RABL6: variants seen among roughly 807,000 people sequenced by gnomAD.
RABL6 encodes the protein rab-like protein 6.
RABL6 carries 28 observed loss-of-function variants against 72.9 expected under a neutral mutation model. That is an observed-to-expected ratio of 0.38 (90% CI 0.28 to 0.53). RABL6 has a LOEUF of 0.53. Among genes scored for constraint, RABL6 ranks in the 20% least tolerant of loss-of-function variants. RABL6 has a pLI of 0.80. For synonymous variants in RABL6, 477 were observed against 421.2 expected (o/e 1.13, Z -1.62); for missense variants, 1,029 against 1,008.4 (o/e 1.02, Z -0.28).
chr9:136,820,098 C>A (rs1269217129), intron 1 of RABL6, among the ~76,000 whole-genome samples: 1 of 148,198 alleles, frequency 6.7e-6, no homozygotes, highest in African/African-American at 2.5e-5. Flanking sequence ...ACTTGGGAGG[C>A]TGAGATGGGA....
intron 13 of RABL6, 135 bp downstream of exon 13, chr9:136,840,000 CA>C (rs1848659681): frequency 6.8e-7 from 1 of 1,476,174 alleles, no homozygotes; most frequent in South Asian, 1.2e-5. Context: ...CAGCCCCCTG[CA>C]GGAGCTGATG....
intron 1 of RABL6, chr9:136,812,921 A>G: frequency 2.9e-6 from 1 of 342,984 alleles, no homozygotes; most frequent in South Asian, 2.7e-5. Context: ...ACAACCCCAA[A>G]GCCACCTTCG....
chr9:136,823,775 G>T (rs1242159762), intron 2 of RABL6, 116 bp downstream of exon 2: 8 of 1,340,762 alleles, frequency 6.0e-6, no homozygotes, highest in Non-Finnish European at 6.9e-6. Flanking sequence ...TTGTCTGTGA[G>T]GGACCCTGCT....
At position 136,839,706 on chromosome 9, in the gene RABL6, G is replaced by T. The variant is rs748117854; in HGVS notation, c.1771G>T (p.Val591Leu). The change falls in exon 13 of 15, where the codon GTG becomes TTG. Residue 591 changes from valine to leucine, a missense_variant. Physicochemically the swap from Val to Leu is conservative, Grantham distance 32. This residue lies in a region of RABL6 where 595 missense variants were observed against 472.4 expected (regional missense o/e 1.26). Coordinates refer to ENST00000311502, the MANE Select transcript of RABL6 (RefSeq NM_024718.5). ...CTCCCTGCTCCAGGATGACTTTCCC[G>T]TGCGAGATGACCCCTCCGATGTGAC... ...DTQRRADDFP[V>L]RDDPSDVTDE... The T allele has an allele frequency of 8.8e-6, 14 of 1,587,118 alleles. No homozygotes were observed. Among genetic ancestry groups the T allele is most frequent in the Non-Finnish European group, 1.2e-5 (14 of 1,163,252 alleles).
Position 136,825,885 on chromosome 9 carries a change from G to A in RABL6, c.313+59G>A, listed in dbSNP as rs1392261759. 5.1e-6 allele frequency: 8 copies of A among 1,559,250 alleles called. No homozygotes were observed. The African/African-American group carries it at 6.8e-5, about 13-fold the overall frequency. On this transcript the variant is annotated intron_variant, in intron 3 of 14. Transcript: ENST00000311502. ...TGGGACTGTGTGCTCTGCGCAGAGA[G>A]GCTTCCTTTCTTTCCCCCGGCGCCC...
rs780415653 is a variant in RABL6, at chr9:136,840,601, G to T, written c.*79G>T. Reference sequence around the variant, plus strand: ...GGGAGGCATTTGCCTCTGTACCATCGCCTTTGCCGCTGCCCCGTGGCTGCC... The same window carrying T: ...GGGAGGCATTTGCCTCTGTACCATCTCCTTTGCCGCTGCCCCGTGGCTGCC... On this transcript the variant is annotated 3_prime_UTR_variant, in exon 15 of 15. Coordinates refer to ENST00000311502, the MANE Select transcript of RABL6 (RefSeq NM_024718.5). The T allele has an allele frequency of 6.5e-7, 1 of 1,549,484 alleles. No homozygotes were observed. The highest frequency in any genetic ancestry group is 8.7e-7 in the Non-Finnish European group (1 of 1,146,836).
At position 136,840,914 on chromosome 9, in the gene RABL6, C is replaced by T. The variant is rs532072659; in HGVS notation, c.*392C>T. 247 of 1,490,520 alleles carry T rather than the reference C, an allele frequency of 1.7e-4. 4 individuals are homozygous for T. The South Asian group carries it at 2.8e-3, about 17-fold the overall frequency. 92.3% of individuals were successfully genotyped at this position (1,490,520 alleles called of 1,614,324 possible). A position where few individuals can be genotyped will look rare whatever the true frequency, so the allele number is the denominator to read the frequency against. On this transcript the variant is annotated 3_prime_UTR_variant, in exon 15 of 15. Transcript: ENST00000311502. ...TGCCCCGGCACCTGCTTGCCCTCCG[C>T]GCTCATCTGGGGCCGCAGCATGCCT...
chr9:136,808,334 C>A lies in RABL6; in HGVS notation c.130+8C>A, dbSNP rs765363370. ...AGGGGGTGCAGTACAACAGTGAGTG[C>A]GGCGGGCCGGGGGGGCGCGGGAGCG... On this transcript the variant is annotated splice_region_variant and intron_variant, in intron 1 of 14. Transcript: ENST00000311502. 4.6e-6 allele frequency: 7 copies of A among 1,513,164 alleles called. No individual in the cohort carries two copies. In the South Asian group the frequency reaches 5.0e-5, roughly 11 times the overall value. The allele number at this position is 1,513,164 out of a possible 1,614,324, so 93.7% of individuals were successfully genotyped here.
At chr9:136,821,207 T>A (rs543807426) in intron 1 of RABL6, 12 of 548,500 alleles carry the variant, frequency 2.2e-5, no homozygotes, top group African/African-American at 4.1e-5. Context: ...AAGTGGGTTC[T>A]GTCCCGTAGG....
At chr9:136,818,888 A>C (rs1053812576) in intron 1 of RABL6, among the ~76,000 whole-genome samples, 1 of 152,226 alleles carries the variant, frequency 6.6e-6, no homozygotes, top group Non-Finnish European at 1.5e-5. Context: ...TCAGATCTCT[A>C]TATTATTATT....
intron 2 of RABL6, among the ~76,000 whole-genome samples, chr9:136,825,094 G>T (rs1227862477): frequency 6.6e-6 from 1 of 152,242 alleles, no homozygotes; most frequent in African/African-American, 2.4e-5. Context: ...ACAGTCATGG[G>T]AGCTCAGGAG....
At chr9:136,838,826 A>C (rs555794082) in intron 10 of RABL6, 83 bp from the exon 11 acceptor site, 4 of 1,263,878 alleles carry the variant, frequency 3.2e-6, no homozygotes, top group Non-Finnish European at 4.3e-6. Flanking sequence ...GCTGGGTACC[A>C]GGGCGCCTAG....
chr9:136,808,164 G>C lies in RABL6; in HGVS notation c.-33G>C. 6.8e-7 allele frequency: 1 copy of C among 1,477,746 alleles called. No individual in the cohort carries two copies. The highest frequency in any genetic ancestry group is 9.0e-7 in the Non-Finnish European group (1 of 1,111,252). 91.5% of individuals were successfully genotyped at this position (1,477,746 alleles called of 1,614,324 possible). The stretch of plus-strand genomic sequence containing the variant: ...TTCCCCGCCGCCGCTGAGCTCGCCG[G>C]CCGCGCCCGGGCTGGGACGTCCGAG... On this transcript the variant is annotated 5_prime_UTR_variant, in exon 1 of 15. Coordinates refer to ENST00000311502, the MANE Select transcript of RABL6 (RefSeq NM_024718.5).
Position 136,808,299 on chromosome 9 carries a change from C to T in RABL6, c.103C>T (p.Arg35Cys). 6.4e-7 allele frequency: 1 copy of T among 1,560,072 alleles called. No individual in the cohort carries two copies. The highest frequency in any genetic ancestry group is 8.7e-7 in the Non-Finnish European group (1 of 1,154,896). ...LQSMNQALQR[R>C]FAKGVQYNMK... is the part of the protein sequence containing the mutation. The stretch of plus-strand genomic sequence containing the variant: ...GTCCATGAACCAGGCGTTGCAGAGG[C>T]GCTTCGCCAAGGGGGTGCAGTACAA... The change falls in exon 1 of 15, where the codon CGC (arginine) becomes TGC (cysteine). Residue 35 changes from arginine (R) to cysteine (C), a missense_variant. Around this residue, in one of 2 missense-constraint regions of RABL6, gnomAD observed 434 missense variants for 536.1 expected, o/e 0.81. Coordinates refer to ENST00000311502, the MANE Select transcript of RABL6 (RefSeq NM_024718.5).
intron 2 of RABL6, among the ~76,000 whole-genome samples, chr9:136,824,017 G>A (rs987535698): frequency 8.5e-5 from 13 of 152,318 alleles, no homozygotes; most frequent in South Asian, 2.1e-4. Context: ...GCCCCAGCCC[G>A]ACATCTTCTC....
chr9:136,825,085 C>T (rs1215239868), intron 2 of RABL6, among the ~76,000 whole-genome samples: 1 of 152,220 alleles, frequency 6.6e-6, no homozygotes, highest in Non-Finnish European at 1.5e-5. Context: ...CAACAGAGCA[C>T]AGTCATGGGA....
chr9:136,837,275 G>C (rs760693796), intron 8 of RABL6, 71 bp from the exon 9 acceptor site: 2 of 1,471,586 alleles, frequency 1.4e-6, no homozygotes, highest in African/African-American at 2.8e-5. Flanking sequence ...GCAGCAGAGA[G>C]CCCCCTGTCA....
intron 13 of RABL6, 48 bp from the exon 14 acceptor site, chr9:136,840,106 G>A: frequency 1.2e-6 from 2 of 1,611,854 alleles, no homozygotes; most frequent in Non-Finnish European, 1.7e-6. Flanking sequence ...CCCAGCTTGG[G>A]GTCCCCGTTG....
chr9:136,832,285 T>C lies in RABL6; in HGVS notation c.620T>C (p.Phe207Ser). The change falls in exon 7 of 15, where the codon TTC (phenylalanine) becomes TCC (serine). Residue 207 changes from phenylalanine to serine, a missense_variant. Physicochemically the swap from Phe to Ser is radical, Grantham distance 155. This residue lies in a region of RABL6 where 434 missense variants were observed against 536.1 expected (regional missense o/e 0.81). Coordinates refer to ENST00000311502, the MANE Select transcript of RABL6 (RefSeq NM_024718.5). ...AGCAGACCTCCAGGTTCCTCCTACT[T>C]CCGCTATGCTGAGTCTTCCATGAAG... is the stretch of plus-strand genomic sequence containing the variant. ...NLDRPPGSSY[F>S]RYAESSMKNS... 1 of 1,613,818 alleles carries C rather than the reference T, an allele frequency of 6.2e-7. No homozygotes were observed. The highest frequency in any genetic ancestry group is 8.5e-7 in the Non-Finnish European group (1 of 1,179,804).
Sources: allele counts gnomAD v4.1 joint callset (sites outside exome capture counted in the v4.1 genomes callset), GRCh38; gene constraint gnomAD v4.1.1; regional missense constraint gnomAD v4.1.1; transcripts MANE v1.5; gene names NCBI Gene and HGNC (gene_info 2026-07-23, HGNC 2026-07-21).